ADSS1: variants seen among roughly 807,000 people sequenced by gnomAD.
ADSS1 encodes adenylosuccinate synthetase isozyme 1.
In ADSS1, 57 loss-of-function variants were observed where a neutral mutation model predicts 59.1. The observed-to-expected ratio is 0.97, with a 90% CI of 0.78 to 1.20. The LOEUF (loss-of-function observed/expected upper bound fraction) is 1.20, where lower values mean the gene tolerates loss of function less well. ADSS1 is among the 50% of genes most tolerant of loss of function. The pLI, the probability that ADSS1 is intolerant of heterozygous loss-of-function variation, is 0.00. For synonymous variants in ADSS1, 247 were observed against 249.4 expected (o/e 0.99, Z 0.09); for missense variants, 603 against 610.3 (o/e 0.99, Z 0.13).
chr14:104,729,484 TGGGAGGGAGGAGGTAGCGTCGGCGTG>T (rs1890821649), intron 1 of ADSS1, among the ~76,000 whole-genome samples: 1 of 134,048 alleles, frequency 7.5e-6, no homozygotes, highest in African/African-American at 2.7e-5. Flanking sequence ...GGCGTCGGCG[TGGGAGGGAGGAGGTAGCGTCGGCGTG>T]GGGGAGGAGC....
chr14:104,743,660 C>T (rs961788652), intron 10 of ADSS1: 2 of 170,344 alleles, frequency 1.2e-5, no homozygotes, highest in South Asian at 1.5e-4. Context: ...GAGGGGTGGG[C>T]TCACAGCTTC....
chr14:104,746,625 T>A (rs1595217075), intron 12 of ADSS1, among the ~76,000 whole-genome samples: 1 of 152,144 alleles, frequency 6.6e-6, no homozygotes, highest in African/African-American at 2.4e-5. Flanking sequence ...ATGGGACACA[T>A]CCCAGCCATA....
rs1254196679 is a variant in ADSS1, at chr14:104,736,881, G to GATTATAT, written c.296-1493_296-1492insTATATAT. The stretch of plus-strand genomic sequence containing the variant: ...CAGGCTTATGCCACCGCACCTAGCT[G>GATTATAT]ATATATATATATATATATATATATA... On this transcript the variant is annotated intron_variant, in intron 2 of 12. Coordinates refer to ENST00000330877, the MANE Select transcript of ADSS1 (RefSeq NM_152328.5). 7.6e-4 allele frequency among the ~76,000 whole-genome samples: 81 copies of GATTATAT among 106,584 alleles called. 2 individuals are homozygous for GATTATAT. Among genetic ancestry groups the GATTATAT allele is most frequent in the African/African-American group, 2.7e-3 (77 of 28,132 alleles). The allele number at this position is 106,584 out of a possible 152,430, so 69.9% of individuals were successfully genotyped here.
chr14:104,744,589 T>C (rs909144996), intron 10 of ADSS1: 6 of 563,754 alleles, frequency 1.1e-5, no homozygotes, highest in Admixed American at 6.2e-5. Context: ...CCTGTGAGAA[T>C]TGAATGACAG....
intron 1 of ADSS1, among the ~76,000 whole-genome samples, chr14:104,730,971 G>GGC (rs1890909901): frequency 9.7e-6 from 1 of 102,678 alleles, no homozygotes; most frequent in Non-Finnish European, 2.2e-5. Context: ...GGGGGGGGGG[G>GGC]GGGCTCAGTG....
In ADSS1 at chr14:104,738,380, C is replaced by T. The variant is rs764804058; in HGVS notation, c.300C>T (p.Asn100=). 1.5e-5 allele frequency: 24 copies of T among 1,613,662 alleles called. No homozygotes were observed. The highest frequency in any genetic ancestry group is 6.7e-5 in the Admixed American group (4 of 60,000). ...ATGCCTCTGTCTCTCATGCAGGCAA[C>T]GGGGTGGTCATCCACTTGCCAGGCT... ...INTKAVSFIG[N]GVVIHLPGLF... is the part of the protein sequence containing the mutation. Residue 100 remains asparagine, a synonymous_variant, in exon 3 of 13, where the codon AAC becomes AAT. Transcript: ENST00000330877.
intron 1 of ADSS1, among the ~76,000 whole-genome samples, chr14:104,733,379 G>A (rs561812389): frequency 5.9e-5 from 9 of 152,224 alleles, no homozygotes; most frequent in Admixed American, 3.3e-4. Flanking sequence ...GTGAAGTTAC[G>A]TCCCAGGAGG....
chr14:104,734,922 T>C lies in ADSS1; in HGVS notation c.193-98T>C, dbSNP rs912241950. 3.0e-6 allele frequency: 3 copies of C among 1,002,062 alleles called. No homozygotes were observed. In the South Asian group the frequency reaches 4.3e-5, roughly 14 times the overall value. The allele number at this position is 1,002,062 out of a possible 1,614,324, so 62.1% of individuals were successfully genotyped here. ...CAGACACCCCAAAATCCAACAGCAG[T>C]GCCCTGCAGGGACAGACGAAGCCCC... is the stretch of plus-strand genomic sequence containing the variant. On this transcript the variant is annotated intron_variant, in intron 1 of 12. Transcript: ENST00000330877.
intron 11 of ADSS1, chr14:104,745,418 G>T (rs1190784225): frequency 1.3e-5 from 2 of 155,726 alleles, no homozygotes; most frequent in Non-Finnish European, 1.4e-5. Context: ...CCATTTTCCT[G>T]GGTTTCACAG....
intron 1 of ADSS1, among the ~76,000 whole-genome samples, chr14:104,729,015 GGGA>G (rs1037827064): frequency 1.2e-4 from 19 of 152,216 alleles, no homozygotes; most frequent in African/African-American, 3.9e-4. Flanking sequence ...TAACGCTGTG[GGGA>G]GGAGAAGGCT....
intron 12 of ADSS1, 33 bp from the exon 13 acceptor site, chr14:104,746,918 T>C (rs1205975146): frequency 2.5e-6 from 4 of 1,611,736 alleles, no homozygotes; most frequent in East Asian, 4.5e-5. Flanking sequence ...CTGCCTCCAG[T>C]GTGTATCATA....
At chr14:104,728,709 G>C (rs1273342296) in intron 1 of ADSS1, among the ~76,000 whole-genome samples, 3 of 152,208 alleles carry the variant, frequency 2.0e-5, no homozygotes, top group Non-Finnish European at 4.4e-5. Context: ...CCTCTGAAAA[G>C]CACCGCCGGC....
intron 12 of ADSS1, 41 bp downstream of exon 12, chr14:104,746,426 G>A: frequency 1.3e-6 from 2 of 1,586,992 alleles, no homozygotes; most frequent in Non-Finnish European, 1.7e-6. Flanking sequence ...CTGCACCCTG[G>A]ATGCCCCAAG....
rs144330253 is a variant in ADSS1, at chr14:104,743,104, G to C, written c.986G>C (p.Trp329Ser). ...CTGCTGCAGACCCGCGGCCACGAGT[G>C]GGGAGTGACCACAGGCAGGAAGAGG... Reference protein sequence around the residue: ...GGLLQTRGHEWGVTTGRKRRC... With the variant: ...GGLLQTRGHESGVTTGRKRRC... Residue 329 changes from tryptophan (W) to serine (S), a missense_variant, in exon 10 of 13, where the codon TGG becomes TCG. By Grantham distance (177) the Trp-to-Ser change is radical. Coordinates refer to ENST00000330877, the MANE Select transcript of ADSS1 (RefSeq NM_152328.5). 972 of 1,613,132 alleles carry C rather than the reference G, an allele frequency of 6.0e-4. 7 individuals carry two copies. The African/African-American group carries it at 0.011, about 18-fold the overall frequency.
intron 1 of ADSS1, among the ~76,000 whole-genome samples, chr14:104,730,445 A>G (rs1890879904): frequency 6.6e-6 from 1 of 152,122 alleles, no homozygotes; most frequent in South Asian, 2.1e-4. Context: ...AGCCAGGATC[A>G]CACCATTGCA....
At chr14:104,735,563 T>A (rs907212283) in intron 2 of ADSS1, among the ~76,000 whole-genome samples, 2 of 152,150 alleles carry the variant, frequency 1.3e-5, no homozygotes, top group Non-Finnish European at 2.9e-5. Context: ...GGCCGTGCCC[T>A]CCCCGGCCCT....
At chr14:104,742,510 A>G (rs779294986) in intron 9 of ADSS1, among the ~76,000 whole-genome samples, 9 of 152,188 alleles carry the variant, frequency 5.9e-5, no homozygotes, top group African/African-American at 9.7e-5. Context: ...GTGGCCCCAG[A>G]ATCCTCAGGA....
At chr14:104,730,297 C>G in intron 1 of ADSS1, 1 of 1,347,836 alleles carries the variant, frequency 7.4e-7, no homozygotes, top group Non-Finnish European at 9.8e-7. Flanking sequence ...AGTTCAAGAC[C>G]AGCCTGGCCA....
chr14:104,744,810 A>G lies in ADSS1; in HGVS notation c.1074-2A>G, dbSNP rs145054331. 42 of 1,613,998 alleles carry G rather than the reference A, an allele frequency of 2.6e-5. No individual in the cohort carries two copies. The highest frequency in any genetic ancestry group is 3.6e-5 in the Non-Finnish European group (42 of 1,180,006). ...TTTGCCCGGCCCCTTGGCTTTCCAC[A>G]GGCTGGCCCTGACGAAGCTGGACAT... On this transcript the variant is annotated splice_acceptor_variant, in intron 10 of 12. Transcript: ENST00000330877. LOFTEE classifies it high-confidence loss of function.
Sources: allele counts gnomAD v4.1 joint callset (sites outside exome capture counted in the v4.1 genomes callset), GRCh38; gene constraint gnomAD v4.1.1; transcripts MANE v1.5; gene names NCBI Gene and HGNC (gene_info 2026-07-23, HGNC 2026-07-21).